Variants in CNTNAP5 observed in about 807,000 individuals in gnomAD.
CNTNAP5 encodes the protein contactin-associated protein-like 5.
In CNTNAP5, 72 loss-of-function variants were observed where a neutral mutation model predicts 150.2. The observed-to-expected ratio is 0.48, with a 90% CI of 0.40 to 0.58. The LOEUF is 0.58. CNTNAP5 is among the 20% of genes least tolerant of loss of function. The pLI is 0.00. For missense variants in CNTNAP5, 1,636 were observed against 1,626.2 expected (o/e 1.01, Z -0.10); for synonymous variants, 672 against 619.8 (o/e 1.08, Z -1.25).
intron 11 of CNTNAP5, among the ~76,000 whole-genome samples, chr2:124,600,058 G>A (rs1696947913): frequency 6.6e-6 from 1 of 152,154 alleles, no homozygotes; most frequent in South Asian, 2.1e-4. Flanking sequence ...TCCATAATGT[G>A]TTAGGCAAGC....
At chr2:124,646,284 T>C (rs1678200494) in intron 12 of CNTNAP5, among the ~76,000 whole-genome samples, 1 of 152,182 alleles carries the variant, frequency 6.6e-6, no homozygotes, top group Non-Finnish European at 1.5e-5. Flanking sequence ...GGCCTATTCT[T>C]TTCTCTTTTC....
At chr2:124,659,873 T>C (rs1157180114) in intron 13 of CNTNAP5, among the ~76,000 whole-genome samples, 1 of 152,124 alleles carries the variant, frequency 6.6e-6, no homozygotes, top group Non-Finnish European at 1.5e-5. Flanking sequence ...TAGAAGTCAT[T>C]CTGAGTTGAG....
intron 10 of CNTNAP5, among the ~76,000 whole-genome samples, chr2:124,560,224 G>C (rs886538753): frequency 5.9e-5 from 9 of 152,054 alleles, no homozygotes; most frequent in Admixed American, 3.9e-4. Context: ...ATTTAAAGTG[G>C]GGCAGGTGCC....
chr2:124,571,393 GAT>G, intron 11 of CNTNAP5, among the ~76,000 whole-genome samples: 1 of 151,974 alleles, frequency 6.6e-6, no homozygotes, highest in Admixed American at 6.6e-5. Context: ...AAGAAGGAAT[GAT>G]AGCCAAAACA....
intron 19 of CNTNAP5, among the ~76,000 whole-genome samples, chr2:124,817,011 A>C (rs1030400210): frequency 6.6e-6 from 1 of 152,196 alleles, no homozygotes; most frequent in Non-Finnish European, 1.5e-5. Flanking sequence ...GGGCCACCCT[A>C]GGGTGTTTCT....
At chr2:124,329,812 C>A (rs1184519841) in intron 3 of CNTNAP5, among the ~76,000 whole-genome samples, 1 of 152,074 alleles carries the variant, frequency 6.6e-6, no homozygotes, top group Non-Finnish European at 1.5e-5. Context: ...TAGCAAGAGG[C>A]ATTTTTGTGG....
chr2:124,751,402 CAGTG>C (rs924857741), intron 14 of CNTNAP5, among the ~76,000 whole-genome samples: 2 of 152,178 alleles, frequency 1.3e-5, no homozygotes, highest in African/African-American at 4.8e-5. Flanking sequence ...ATGGAAATAA[CAGTG>C]AGCTAGCTTT....
At chr2:124,696,172 G>T (rs1483684580) in intron 13 of CNTNAP5, among the ~76,000 whole-genome samples, 4 of 152,148 alleles carry the variant, frequency 2.6e-5, no homozygotes, top group Non-Finnish European at 5.9e-5. Context: ...TGGCTGGAAT[G>T]ATTCCTATTA....
rs535742243 is a variant in CNTNAP5, at chr2:124,496,550, A to G, written c.1063-7742A>G. Among the ~76,000 whole-genome samples, 4 of 152,206 alleles carry G rather than the reference A, an allele frequency of 2.6e-5. No individual in the cohort carries two copies. The South Asian group carries it at 8.3e-4, about 32-fold the overall frequency. On this transcript the variant is annotated intron_variant, in intron 7 of 23. Coordinates refer to ENST00000682447, the MANE Select transcript of CNTNAP5 (RefSeq NM_001367498.1). ...GATTAAAAACAAAACAAACACCCAC[A>G]ATGAAAAAGTTTTGTAAATAACAGC...
chr2:124,755,036 T>C (rs1680810267), intron 14 of CNTNAP5, among the ~76,000 whole-genome samples: 2 of 152,048 alleles, frequency 1.3e-5, no homozygotes. Context: ...ATGAGGTAAA[T>C]AGCTGATATT....
chr2:124,083,255 G>A (rs983192169), intron 1 of CNTNAP5, among the ~76,000 whole-genome samples: 7 of 152,184 alleles, frequency 4.6e-5, no homozygotes, highest in Non-Finnish European at 8.8e-5. Context: ...GGCTGAGGCA[G>A]GAGAATTGCT....
chr2:124,512,601 C>A (rs908498316), intron 8 of CNTNAP5, among the ~76,000 whole-genome samples: 1 of 152,102 alleles, frequency 6.6e-6, no homozygotes, highest in Non-Finnish European at 1.5e-5. Context: ...CTCAGCGCAT[C>A]CCATTTAATT....
Position 124,877,734 on chromosome 2 carries a change from C to T in CNTNAP5, c.3436+7972C>T, listed in dbSNP as rs576710495. Reference sequence around the variant, plus strand: ...AGTTTTTCAAGGTTTTGAAGTATCCCGTGTAGGCTATGCTAAATATTAGAT... The same window carrying T: ...AGTTTTTCAAGGTTTTGAAGTATCCTGTGTAGGCTATGCTAAATATTAGAT... On this transcript the variant is annotated intron_variant, in intron 21 of 23. Coordinates refer to ENST00000682447, the MANE Select transcript of CNTNAP5 (RefSeq NM_001367498.1). 3.3e-5 allele frequency among the ~76,000 whole-genome samples: 5 copies of T among 152,070 alleles called. No homozygotes were observed. In the South Asian group the frequency reaches 8.3e-4, roughly 25 times the overall value.
At chr2:124,556,960 T>C (rs922827486) in intron 10 of CNTNAP5, among the ~76,000 whole-genome samples, 2 of 151,742 alleles carry the variant, frequency 1.3e-5, no homozygotes, top group Non-Finnish European at 2.9e-5. Context: ...TCTATCAAAA[T>C]TGTACAAAGA....
intron 16 of CNTNAP5, among the ~76,000 whole-genome samples, chr2:124,769,588 C>A (rs1327525020): frequency 6.6e-6 from 1 of 152,138 alleles, no homozygotes; most frequent in East Asian, 1.9e-4. Context: ...CAAGTGAGAG[C>A]CAGCTTGAGT....
chr2:124,880,045 C>T (rs1439805352), intron 21 of CNTNAP5, among the ~76,000 whole-genome samples: 2 of 151,966 alleles, frequency 1.3e-5, no homozygotes, highest in South Asian at 2.1e-4. Context: ...AATTGAGGCT[C>T]GAGGAGTGTT....
intron 3 of CNTNAP5, among the ~76,000 whole-genome samples, chr2:124,386,453 G>A (rs1690928322): frequency 6.6e-6 from 1 of 152,328 alleles, no homozygotes; most frequent in African/African-American, 2.4e-5. Flanking sequence ...TGCAGGGATA[G>A]TGATGTTGCT....
chr2:124,378,898 T>G (rs1011777438), intron 3 of CNTNAP5, among the ~76,000 whole-genome samples: 5 of 152,178 alleles, frequency 3.3e-5, no homozygotes, highest in African/African-American at 1.2e-4. Context: ...CAAGTTCACT[T>G]TGCATATGAA....
chr2:124,194,029 C>A (rs1337484618), intron 1 of CNTNAP5, among the ~76,000 whole-genome samples: 1 of 152,082 alleles, frequency 6.6e-6, no homozygotes, highest in African/African-American at 2.4e-5. Context: ...ATCTTTCTTG[C>A]GATAGCTTTG....
Sources: gnomAD v4.1 joint callset for allele counts (sites outside exome capture counted in the v4.1 genomes callset) on GRCh38, gnomAD v4.1.1 for gene constraint, MANE v1.5 for transcripts, NCBI Gene and HGNC (gene_info 2026-07-23, HGNC 2026-07-21) for gene names.